The following FBXO11 variants were observed in gnomAD, a reference collection of about 807,000 sequenced individuals.
FBXO11 encodes the protein F-box only protein 11.
A neutral mutation model predicts 117.0 loss-of-function variants in FBXO11; 13 were observed. The observed-to-expected ratio is 0.11, with a 90% CI of 0.07 to 0.18. The LOEUF is 0.18. Among genes scored for constraint, FBXO11 ranks in the 10% least tolerant of loss-of-function variants. The pLI, the probability that FBXO11 is intolerant of heterozygous loss-of-function variation, is 1.00. For synonymous variants in FBXO11, 490 were observed against 380.5 expected, an observed-to-expected ratio of 1.29 and a Z score of -3.35; for missense variants, 767 against 1,164.4, an observed-to-expected ratio of 0.66 and a Z score of 4.97.
chr2:47,868,663 A>C (rs1422728363), intron 1 of FBXO11, among the ~76,000 whole-genome samples: 1 of 152,140 alleles, frequency 6.6e-6, no homozygotes, highest in Non-Finnish European at 1.5e-5. Flanking sequence ...AAGTGGCCAT[A>C]CTGGGAGGAA....
At chr2:47,810,670 T>C (rs927321126) in intron 18 of FBXO11, 3 of 366,476 alleles carry the variant, frequency 8.2e-6, no homozygotes, top group African/African-American at 2.1e-5. Context: ...GCAGGGTCCA[T>C]GTCTAAGTTT....
intron 1 of FBXO11, among the ~76,000 whole-genome samples, chr2:47,843,163 CT>C (rs1189508103): frequency 6.6e-6 from 1 of 152,180 alleles, no homozygotes; most frequent in Non-Finnish European, 1.5e-5. Flanking sequence ...GTGGAACTCT[CT>C]CCCTTTGAGG....
At position 47,883,256 on chromosome 2, in the gene FBXO11, T is replaced by C. The variant is rs184216105; in HGVS notation, c.232+22233A>G. Among the ~76,000 whole-genome samples, 132 of 152,318 alleles carry C rather than the reference T, an allele frequency of 8.7e-4. 1 individual carries two copies. The highest frequency in any genetic ancestry group is 3.0e-3 in the African/African-American group (125 of 41,566). ...AATTTTCCTGAAGCAGCTATTTACATAGATTCCTGGGAGTGGGAAAGGAAG... is the reference window on the plus strand; with the variant it reads ...AATTTTCCTGAAGCAGCTATTTACACAGATTCCTGGGAGTGGGAAAGGAAG... On this transcript the variant is annotated intron_variant, in intron 1 of 22. Transcript: ENST00000403359.
At chr2:47,900,680 GTATACACACACGTA>G (rs1169885227) in intron 1 of FBXO11, among the ~76,000 whole-genome samples, 2 of 41,046 alleles carry the variant, frequency 4.9e-5, no homozygotes, top group South Asian at 5.8e-4. Context: ...ATATACACAC[GTATACACACACGTA>G]TACACACACG....
intron 1 of FBXO11, among the ~76,000 whole-genome samples, chr2:47,856,064 T>C (rs1163266796): frequency 6.6e-6 from 1 of 152,094 alleles, no homozygotes; most frequent in Non-Finnish European, 1.5e-5. Flanking sequence ...CGTGCTATCA[T>C]TACATTATGC....
chr2:47,837,109 T>C (rs1348207569), intron 4 of FBXO11: 1 of 186,204 alleles, frequency 5.4e-6, no homozygotes, highest in Middle Eastern at 5.0e-4. Flanking sequence ...TTATATCCTA[T>C]CAAGCACAAT....
At chr2:47,828,364 A>G (rs919001502) in intron 11 of FBXO11, among the ~76,000 whole-genome samples, 7 of 152,142 alleles carry the variant, frequency 4.6e-5, no homozygotes, top group African/African-American at 1.7e-4. Flanking sequence ...TAAATATGAC[A>G]AAGTAGGCCA....
Position 47,905,753 on chromosome 2 carries a change from G to GACACACACACGC in FBXO11, c.-45_-34dup. 1 of 1,356,054 alleles carries GACACACACACGC rather than the reference G, an allele frequency of 7.4e-7. No individual in the cohort carries two copies. The highest frequency in any genetic ancestry group is 9.7e-7 in the Non-Finnish European group (1 of 1,033,766). 84.0% of individuals were successfully genotyped at this position (1,356,054 alleles called of 1,614,324 possible). On this transcript the variant is annotated 5_prime_UTR_variant, in exon 1 of 23. Transcript: ENST00000403359. ...GCTGAGGTGGCGGCGTTGGCGGAGG[G>GACACACACACGC]ACACACACACGCACACGCACAGCGA...
At chr2:47,839,914 A>G in intron 1 of FBXO11, 145 bp from the exon 2 acceptor site, 1 of 645,822 alleles carries the variant, frequency 1.5e-6, no homozygotes, top group East Asian at 2.9e-5. Context: ...TAGCTATATG[A>G]AAGAAATGTT....
At chr2:47,870,873 C>T (rs992709474) in intron 1 of FBXO11, among the ~76,000 whole-genome samples, 1 of 152,144 alleles carries the variant, frequency 6.6e-6, no homozygotes, top group Non-Finnish European at 1.5e-5. Flanking sequence ...ATGTACATAT[C>T]CCTTTATGAA....
At chr2:47,854,892 T>G (rs1674160569) in intron 1 of FBXO11, among the ~76,000 whole-genome samples, 1 of 151,458 alleles carries the variant, frequency 6.6e-6, no homozygotes, top group Non-Finnish European at 1.5e-5. Flanking sequence ...AAATTTCAAT[T>G]ACTGTTGTAA....
intron 1 of FBXO11, among the ~76,000 whole-genome samples, chr2:47,875,308 T>C (rs1363749836): frequency 2.0e-5 from 3 of 152,210 alleles, no homozygotes; most frequent in Admixed American, 1.3e-4. Context: ...GTGGCTACCA[T>C]ATTGGACAAC....
chr2:47,859,626 T>G (rs1284541711), intron 1 of FBXO11, among the ~76,000 whole-genome samples: 1 of 152,242 alleles, frequency 6.6e-6, no homozygotes, highest in Non-Finnish European at 1.5e-5. Context: ...GTCTTTCTTA[T>G]TTGCAGCCCT....
rs1670360101 is a variant in FBXO11, at chr2:47,808,258, A to G, written c.2655-11T>C. The G allele has an allele frequency of 6.2e-7, 1 of 1,612,854 alleles. No homozygotes were observed. The highest frequency in any genetic ancestry group is 8.5e-7 in the Non-Finnish European group (1 of 1,179,758). On this transcript the variant is annotated splice_polypyrimidine_tract_variant and intron_variant, in intron 22 of 22. Transcript: ENST00000403359. The stretch of plus-strand genomic sequence containing the variant: ...CAGTCACAGAAAAACCTAAAGCAAA[A>G]TGAAACCCAAATATTAGAAAAGTGA...
chr2:47,868,282 CAAAAA>C lies in FBXO11; in HGVS notation c.233-28518_233-28514del, dbSNP rs371849610. Among the ~76,000 whole-genome samples, 3 of 80,550 alleles carry C rather than the reference CAAAAA, an allele frequency of 3.7e-5. No homozygotes were observed. In the Admixed American group the frequency reaches 4.6e-4, roughly 12 times the overall value. 52.8% of individuals were successfully genotyped at this position (80,550 alleles called of 152,430 possible). ...TGGGGGTAGAGCAAGACTCTACCTC[CAAAAA>C]AAAAAAAAAAAAAAAGCTGGGAATC... On this transcript the variant is annotated intron_variant, in intron 1 of 22. Transcript: ENST00000403359.
intron 1 of FBXO11, among the ~76,000 whole-genome samples, chr2:47,844,535 C>T (rs534547158): frequency 8.7e-4 from 132 of 152,294 alleles, no homozygotes; most frequent in African/African-American, 3.0e-3. Context: ...CACTAGCTCC[C>T]GCTTACTGTT....
At position 47,807,342 on chromosome 2, in the gene FBXO11, T is replaced by G. The variant is rs1237708412; in HGVS notation, c.*776A>C. Reference sequence around the variant, plus strand: ...ACTGAGTTACAAGAATACTTTTGTTTTACAGTGCATCCCTTCCTAGGAAGT... The same window carrying G: ...ACTGAGTTACAAGAATACTTTTGTTGTACAGTGCATCCCTTCCTAGGAAGT... On this transcript the variant is annotated 3_prime_UTR_variant, in exon 23 of 23. Coordinates refer to ENST00000403359, the MANE Select transcript of FBXO11 (RefSeq NM_001190274.2). 9.4e-6 allele frequency: 2 copies of G among 212,890 alleles called. No homozygotes were observed. Among genetic ancestry groups the G allele is most frequent in the Non-Finnish European group, 1.9e-5 (2 of 105,180 alleles). The allele number at this position is 212,890 out of a possible 1,614,324, so 13.2% of individuals were successfully genotyped here. A position where few individuals can be genotyped will look rare whatever the true frequency, so the allele number is the denominator to read the frequency against.
chr2:47,838,511 T>C (rs1032616466), intron 4 of FBXO11, among the ~76,000 whole-genome samples: 49 of 152,270 alleles, frequency 3.2e-4, no homozygotes, highest in African/African-American at 1.2e-3. Flanking sequence ...TACAACTGTT[T>C]TCCAAAAGTG....
At chr2:47,872,497 T>C (rs374704939) in intron 1 of FBXO11, among the ~76,000 whole-genome samples, 3 of 152,156 alleles carry the variant, frequency 2.0e-5, no homozygotes, top group Non-Finnish European at 4.4e-5. Flanking sequence ...CTAATTTTTG[T>C]ATTTTTAGGA....
Sources: allele counts gnomAD v4.1 joint callset (sites outside exome capture counted in the v4.1 genomes callset), GRCh38; gene constraint gnomAD v4.1.1; transcripts MANE v1.5; gene names NCBI Gene and HGNC (gene_info 2026-07-23, HGNC 2026-07-21).